Variants in EDIL3 observed in about 807,000 individuals in gnomAD.
EDIL3 encodes EGF-like repeat and discoidin I-like domain-containing protein 3.
Under a neutral mutation model 67.4 loss-of-function variants are expected in EDIL3, and 37 were observed. The ratio of observed to expected loss-of-function variants is 0.55; its 90% confidence interval spans 0.42 to 0.72. The LOEUF (loss-of-function observed/expected upper bound fraction) is 0.72. EDIL3 is among the 30% of genes least tolerant of loss of function. The probability of loss-of-function intolerance (pLI) is 0.00; values close to 1 mark genes in which losing one functional copy is unlikely to be tolerated. For synonymous variants in EDIL3, 195 were observed against 196.3 expected (o/e 0.99, Z 0.05); for missense variants, 527 against 586.3 (o/e 0.90, Z 1.04).
intron 9 of EDIL3, among the ~76,000 whole-genome samples, chr5:83,999,330 A>T (rs1434361028): frequency 1.3e-5 from 2 of 152,172 alleles, no homozygotes; most frequent in Non-Finnish European, 2.9e-5. Flanking sequence ...ACCTGGAGTG[A>T]CAGAGATAAT....
intron 4 of EDIL3, among the ~76,000 whole-genome samples, chr5:84,156,766 T>C (rs1295364583): frequency 6.6e-6 from 1 of 152,176 alleles, no homozygotes; most frequent in Non-Finnish European, 1.5e-5. Context: ...GACTGCGCAG[T>C]CAAATTACAG....
chr5:84,267,891 C>G (rs532785409), intron 1 of EDIL3, among the ~76,000 whole-genome samples: 35 of 152,332 alleles, frequency 2.3e-4, no homozygotes, highest in African/African-American at 8.4e-4. Context: ...AATCCTAACA[C>G]TTTGGGAGGC....
At chr5:84,201,379 A>G (rs1379844) in intron 3 of EDIL3, among the ~76,000 whole-genome samples, 1,584 of 152,206 alleles carry the variant, frequency 0.01, 33 homozygotes, top group African/African-American at 0.036. Context: ...GGATTTATAA[A>G]GTATAGCTCC....
intron 10 of EDIL3, among the ~76,000 whole-genome samples, chr5:83,960,116 C>G (rs1470652305): frequency 6.6e-6 from 1 of 150,866 alleles, no homozygotes. Flanking sequence ...AGGCTTTTAT[C>G]TTAGGCTTTT....
intron 4 of EDIL3, among the ~76,000 whole-genome samples, chr5:84,147,902 A>G (rs1365575976): frequency 6.6e-6 from 1 of 152,128 alleles, no homozygotes; most frequent in Admixed American, 6.6e-5. Flanking sequence ...TATTATACAC[A>G]GATACATGTA....
intron 4 of EDIL3, among the ~76,000 whole-genome samples, chr5:84,169,092 T>C (rs974396576): frequency 6.6e-6 from 1 of 152,028 alleles, no homozygotes; most frequent in African/African-American, 2.4e-5. Context: ...TGCTTGTTAC[T>C]TGGTAGGAGC....
At chr5:84,381,690 C>T (rs920097182) in intron 1 of EDIL3, among the ~76,000 whole-genome samples, 8 of 152,152 alleles carry the variant, frequency 5.3e-5, no homozygotes, top group Admixed American at 3.9e-4. Flanking sequence ...TTAAAGACTT[C>T]AGGCACAAAC....
intron 9 of EDIL3, among the ~76,000 whole-genome samples, chr5:83,977,941 G>C (rs576720194): frequency 8.6e-5 from 13 of 151,824 alleles, no homozygotes; most frequent in African/African-American, 3.1e-4. Flanking sequence ...TGAAATTCTG[G>C]AAGAATCTCC....
intron 7 of EDIL3, 136 bp from the exon 8 acceptor site, chr5:84,064,980 G>A (rs1228863097): frequency 1.7e-6 from 2 of 1,143,622 alleles, no homozygotes; most frequent in African/African-American, 3.2e-5. Context: ...GAGCATTTGA[G>A]AAGTGCCTTG....
intron 9 of EDIL3, among the ~76,000 whole-genome samples, chr5:83,984,958 CACACACA>C (rs1745033758): frequency 1.6e-5 from 1 of 63,640 alleles, no homozygotes; most frequent in Admixed American, 2.3e-4. Context: ...ACACCACACA[CACACACA>C]CACACACACA....
rs565404218 is a variant in EDIL3, at chr5:84,066,891, A to T, written c.652-285T>A. On this transcript the variant is annotated intron_variant, in intron 6 of 10. Coordinates refer to ENST00000296591, the MANE Select transcript of EDIL3 (RefSeq NM_005711.5). ...TATAGAAAGCATCTGCGTTCTCACGATATGCAGATGTAACTTAATAAACTG... is the reference window on the plus strand; with the variant it reads ...TATAGAAAGCATCTGCGTTCTCACGTTATGCAGATGTAACTTAATAAACTG... Among the ~76,000 whole-genome samples, 58 of 152,342 alleles carry T rather than the reference A, an allele frequency of 3.8e-4. 1 individual carries two copies. Among genetic ancestry groups the T allele is most frequent in the Middle Eastern group, 3.4e-3 (1 of 294 alleles).
intron 1 of EDIL3, among the ~76,000 whole-genome samples, chr5:84,288,837 C>T (rs1745860203): frequency 6.6e-6 from 1 of 152,150 alleles, no homozygotes; most frequent in Admixed American, 6.6e-5. Context: ...TATTGTCTCT[C>T]TTCCCCACTA....
intron 1 of EDIL3, among the ~76,000 whole-genome samples, chr5:84,361,900 T>G (rs1242025924): frequency 1.3e-5 from 2 of 152,046 alleles, no homozygotes; most frequent in Admixed American, 1.3e-4. Context: ...CAACCGATTA[T>G]CTAAACATAA....
chr5:84,175,372 T>C (rs1020328614), intron 4 of EDIL3, among the ~76,000 whole-genome samples: 1 of 152,200 alleles, frequency 6.6e-6, no homozygotes, highest in African/African-American at 2.4e-5. Context: ...TATAATTGTT[T>C]TTAAAGGAAG....
At chr5:84,190,265 A>G (rs1255649212) in intron 3 of EDIL3, among the ~76,000 whole-genome samples, 1 of 152,022 alleles carries the variant, frequency 6.6e-6, no homozygotes, top group Non-Finnish European at 1.5e-5. Context: ...TCCTCAAGCT[A>G]AGAAAATTCC....
chr5:84,044,267 G>A (rs974272208), intron 9 of EDIL3, among the ~76,000 whole-genome samples: 6 of 152,108 alleles, frequency 3.9e-5, no homozygotes, highest in African/African-American at 1.2e-4. Flanking sequence ...ACTAAAAAGA[G>A]TTAAACAACT....
chr5:84,262,800 A>G (rs1331207897), intron 1 of EDIL3, among the ~76,000 whole-genome samples: 2 of 150,306 alleles, frequency 1.3e-5, no homozygotes, highest in Non-Finnish European at 2.9e-5. Flanking sequence ...CCTCCTGACT[A>G]GCTGGGATTA....
chr5:84,161,365 G>A (rs910377422), intron 4 of EDIL3, among the ~76,000 whole-genome samples: 36 of 151,786 alleles, frequency 2.4e-4, no homozygotes, highest in African/African-American at 8.5e-4. Flanking sequence ...TGCTTAACTC[G>A]GGTCTAGTTA....
intron 9 of EDIL3, among the ~76,000 whole-genome samples, chr5:84,003,107 C>A (rs1580274131): frequency 6.6e-6 from 1 of 152,182 alleles, no homozygotes; most frequent in Non-Finnish European, 1.5e-5. Flanking sequence ...TTATTTGCAC[C>A]TCCAGGACAC....
Sources: allele counts gnomAD v4.1 joint callset (sites outside exome capture counted in the v4.1 genomes callset), GRCh38; gene constraint gnomAD v4.1.1; transcripts MANE v1.5; gene names NCBI Gene and HGNC (gene_info 2026-07-23, HGNC 2026-07-21).